CAMTA1: variants seen among roughly 807,000 people sequenced by gnomAD.
CAMTA1 encodes calmodulin binding transcription activator 1.
A neutral mutation model predicts 170.9 loss-of-function variants in CAMTA1; 27 were observed. The observed-to-expected ratio is 0.16, with a 90% CI of 0.12 to 0.22. The LOEUF is 0.22. CAMTA1 is among the 10% of genes least tolerant of loss of function. CAMTA1 has a pLI of 1.00. For synonymous variants in CAMTA1, 833 were observed against 891.5 expected, an observed-to-expected ratio of 0.93 and a Z score of 1.17; for missense variants, 1,619 against 2,217.2, an observed-to-expected ratio of 0.73 and a Z score of 5.42.
At chr1:6,925,914 C>G (rs1000568057) in intron 3 of CAMTA1, among the ~76,000 whole-genome samples, 5 of 152,174 alleles carry the variant, frequency 3.3e-5, no homozygotes, top group East Asian at 1.9e-4. Context: ...CCTCCTCCCC[C>G]TCCCGGCTCC....
chr1:7,158,329 A>G (rs1426846745), intron 4 of CAMTA1, among the ~76,000 whole-genome samples: 3 of 152,226 alleles, frequency 2.0e-5, no homozygotes, highest in African/African-American at 7.2e-5. Context: ...GATCCTAACC[A>G]TGGCTTCCTC....
intron 22 of CAMTA1, among the ~76,000 whole-genome samples, chr1:7,757,311 A>T (rs1439325633): frequency 6.6e-6 from 1 of 152,252 alleles, no homozygotes; most frequent in Admixed American, 6.5e-5. Context: ...GCCACAGACA[A>T]CACATAAATG....
chr1:7,385,051 GC>G, intron 5 of CAMTA1, among the ~76,000 whole-genome samples: 1 of 150,586 alleles, frequency 6.6e-6, no homozygotes, highest in African/African-American at 2.4e-5. Context: ...CAGCAGAACA[GC>G]CCTCCTATGC....
At chr1:7,523,121 C>G (rs1050611290) in intron 6 of CAMTA1, among the ~76,000 whole-genome samples, 2 of 152,226 alleles carry the variant, frequency 1.3e-5, no homozygotes, top group African/African-American at 4.8e-5. Context: ...CCCGCCTTGG[C>G]CTCCCAAAGT....
At chr1:7,707,681 T>C (rs1405138560) in intron 11 of CAMTA1, among the ~76,000 whole-genome samples, 1 of 152,236 alleles carries the variant, frequency 6.6e-6, no homozygotes, top group Non-Finnish European at 1.5e-5. Flanking sequence ...AGTCCAGATG[T>C]GATGTATTGA....
At position 7,041,127 on chromosome 1, in the gene CAMTA1, T is replaced by G. The variant is rs1704385377; in HGVS notation, c.235-50177T>G. ...AGGGAAATGAGATAAAGCTGCAAAATGACTCCCTAAAAGTTGGCCCCAAGC... is the reference window on the plus strand; with the variant it reads ...AGGGAAATGAGATAAAGCTGCAAAAGGACTCCCTAAAAGTTGGCCCCAAGC... On this transcript the variant is annotated intron_variant, in intron 3 of 22. Coordinates refer to ENST00000303635, the MANE Select transcript of CAMTA1 (RefSeq NM_015215.4). The surrounding 1 kb of genome is among the most constrained non-coding windows in gnomAD (Gnocchi z 5.1). Among the ~76,000 whole-genome samples, 1 of 152,214 alleles carries G rather than the reference T, an allele frequency of 6.6e-6. No individual in the cohort carries two copies. The highest frequency in any genetic ancestry group is 6.5e-5 in the Admixed American group (1 of 15,280).
chr1:7,158,248 CAA>C (rs916482280), intron 4 of CAMTA1, among the ~76,000 whole-genome samples: 7 of 152,104 alleles, frequency 4.6e-5, no homozygotes, highest in Admixed American at 1.3e-4. Context: ...AAGCCAGAAA[CAA>C]GAGTACATGT....
In CAMTA1 at chr1:7,022,032, G is replaced by A. The variant is rs571470519; in HGVS notation, c.235-69272G>A. On this transcript the variant is annotated intron_variant, in intron 3 of 22. Coordinates refer to ENST00000303635, the MANE Select transcript of CAMTA1 (RefSeq NM_015215.4). ...CTGCCCAAGGCCACGCAGCTGGTCAGGGGCAAAGCTCTGCTTCCCAGCAGG... is the reference window on the plus strand; with the variant it reads ...CTGCCCAAGGCCACGCAGCTGGTCAAGGGCAAAGCTCTGCTTCCCAGCAGG... 9.2e-5 allele frequency among the ~76,000 whole-genome samples: 14 copies of A among 152,332 alleles called. No homozygotes were observed. The East Asian group carries it at 1.7e-3, about 19-fold the overall frequency.
At chr1:7,439,140 G>A (rs1294362221) in intron 5 of CAMTA1, among the ~76,000 whole-genome samples, 1 of 152,164 alleles carries the variant, frequency 6.6e-6, no homozygotes, top group African/African-American at 2.4e-5. Flanking sequence ...TCCAGGCCCT[G>A]CTGCTCCCAG....
At chr1:6,797,807 T>C (rs2148144833) in intron 1 of CAMTA1, among the ~76,000 whole-genome samples, 1 of 152,046 alleles carries the variant, frequency 6.6e-6, no homozygotes, top group East Asian at 1.9e-4. Context: ...AACAGAAGAG[T>C]GGTCTGTTAG....
intron 4 of CAMTA1, among the ~76,000 whole-genome samples, chr1:7,188,406 T>C (rs1395480379): frequency 6.6e-6 from 1 of 152,252 alleles, no homozygotes. Flanking sequence ...ATAACTACTA[T>C]TATTCTGCAG....
At chr1:6,864,566 C>T (rs1024841506) in intron 3 of CAMTA1, among the ~76,000 whole-genome samples, 1 of 152,188 alleles carries the variant, frequency 6.6e-6, no homozygotes, top group Non-Finnish European at 1.5e-5. Context: ...AAGCCCCTCT[C>T]GCCTTGTCCT....
intron 5 of CAMTA1, among the ~76,000 whole-genome samples, chr1:7,332,600 G>A (rs1002389800): frequency 1.2e-4 from 19 of 152,274 alleles, no homozygotes; most frequent in African/African-American, 4.3e-4. Flanking sequence ...TTAGTTTAAC[G>A]TGAGAATTAT....
chr1:7,464,015 A>C (rs1055500638), intron 5 of CAMTA1, among the ~76,000 whole-genome samples: 1 of 152,216 alleles, frequency 6.6e-6, no homozygotes, highest in Non-Finnish European at 1.5e-5. Flanking sequence ...AGTGTCATAA[A>C]AGCAATTTTG....
intron 6 of CAMTA1, among the ~76,000 whole-genome samples, chr1:7,471,014 C>T (rs918132369): frequency 3.9e-5 from 6 of 152,206 alleles, no homozygotes; most frequent in African/African-American, 7.2e-5. Context: ...GCTGTGGTGA[C>T]GTATCCACCC....
intron 6 of CAMTA1, among the ~76,000 whole-genome samples, chr1:7,636,738 C>T (rs868308815): frequency 6.6e-6 from 1 of 151,096 alleles, no homozygotes; most frequent in South Asian, 2.1e-4. Context: ...GCTTCCCTGC[C>T]CTTTGTGGAC....
chr1:7,626,774 G>C (rs1371697776), intron 6 of CAMTA1, among the ~76,000 whole-genome samples: 1 of 152,194 alleles, frequency 6.6e-6, no homozygotes, highest in African/African-American at 2.4e-5. Flanking sequence ...GGAGATGGAA[G>C]GGGGTTGATA....
chr1:7,413,430 A>G (rs373297992), intron 5 of CAMTA1, among the ~76,000 whole-genome samples: 1 of 151,976 alleles, frequency 6.6e-6, no homozygotes. Flanking sequence ...CTTTTATTTC[A>G]TTGAGCAGTG....
chr1:7,574,083 C>G (rs1342340163), intron 6 of CAMTA1, among the ~76,000 whole-genome samples: 2 of 119,660 alleles, frequency 1.7e-5, no homozygotes, highest in East Asian at 4.0e-4. Flanking sequence ...CAAATTACTT[C>G]CATAAAGGCT....
Sources: allele counts gnomAD v4.1 joint callset (sites outside exome capture counted in the v4.1 genomes callset), GRCh38; gene constraint gnomAD v4.1.1; non-coding constraint Gnocchi (gnomAD v3.1); transcripts MANE v1.5; gene names NCBI Gene and HGNC (gene_info 2026-07-23, HGNC 2026-07-21).